The following DPP6 variants were observed in gnomAD, a reference collection of about 807,000 sequenced individuals.
DPP6 encodes A-type potassium channel modulatory protein DPP6.
A neutral mutation model predicts 122.6 loss-of-function variants in DPP6; 69 were observed. The observed-to-expected ratio is 0.56, with a 90% CI of 0.46 to 0.69. The LOEUF (loss-of-function observed/expected upper bound fraction) is 0.69, where lower values mean the gene tolerates loss of function less well. Ranked by LOEUF, DPP6 falls within the 30% of genes least tolerant of loss-of-function variation. The pLI is 0.00. For synonymous variants in DPP6, 418 were observed against 433.1 expected (o/e 0.97, Z 0.43); for missense variants, 928 against 1,116.9 (o/e 0.83, Z 2.41).
chr7:154,083,090 C>T (rs974991126), intron 1 of DPP6, among the ~76,000 whole-genome samples: 22 of 152,026 alleles, frequency 1.4e-4, no homozygotes, highest in Non-Finnish European at 2.9e-4. Flanking sequence ...ACCTCGTGAT[C>T]CGCCCACCTC....
At chr7:153,917,501 T>G (rs1320517364) in intron 1 of DPP6, among the ~76,000 whole-genome samples, 1 of 152,200 alleles carries the variant, frequency 6.6e-6, no homozygotes, top group Non-Finnish European at 1.5e-5. Context: ...CCCTCTTCCC[T>G]GGCCACTGAG....
At chr7:154,438,080 G>A (rs1340009210) in intron 1 of DPP6, among the ~76,000 whole-genome samples, 2 of 152,140 alleles carry the variant, frequency 1.3e-5, no homozygotes, top group African/African-American at 2.4e-5. Context: ...GGGAGCAGGC[G>A]CTGGATGAAG....
chr7:153,851,483 C>G, the DPP6 span, among the ~76,000 whole-genome samples: 2 of 152,096 alleles, frequency 1.3e-5, no homozygotes, highest in African/African-American at 4.8e-5. Flanking sequence ...TATGTCTAAC[C>G]TACTCCATAT....
At chr7:153,796,114 A>G in the DPP6 span, among the ~76,000 whole-genome samples, 69 of 122,574 alleles carry the variant, frequency 5.6e-4, 2 homozygotes, top group Non-Finnish European at 1.1e-3. Flanking sequence ...GTTCTCTGTG[A>G]TAAAAAGTCG....
chr7:154,707,689 C>T (rs1296015340), intron 7 of DPP6, among the ~76,000 whole-genome samples: 1 of 152,086 alleles, frequency 6.6e-6, no homozygotes, highest in Non-Finnish European at 1.5e-5. Context: ...TCTGTTACCA[C>T]GCTGCTAATA....
At chr7:153,782,754 T>C in the DPP6 span, among the ~76,000 whole-genome samples, 1 of 152,184 alleles carries the variant, frequency 6.6e-6, no homozygotes, top group Non-Finnish European at 1.5e-5. Context: ...GTGTGAGTGT[T>C]TTCTCAAGAA....
intron 5 of DPP6, among the ~76,000 whole-genome samples, chr7:154,579,137 T>G (rs1831876699): frequency 6.6e-6 from 1 of 151,956 alleles, no homozygotes; most frequent in Admixed American, 6.6e-5. Flanking sequence ...TCACCTGAGG[T>G]CAGGAGTTCG....
At chr7:154,441,969 A>G (rs1819415277) in intron 1 of DPP6, among the ~76,000 whole-genome samples, 1 of 152,246 alleles carries the variant, frequency 6.6e-6, no homozygotes, top group Admixed American at 6.5e-5. Flanking sequence ...AATAAGTATG[A>G]GCAGCAGTGA....
At chr7:153,846,445 C>A in the DPP6 span, among the ~76,000 whole-genome samples, 1 of 151,946 alleles carries the variant, frequency 6.6e-6, no homozygotes, top group Non-Finnish European at 1.5e-5. Flanking sequence ...TTTTGATGGA[C>A]AAAGGTTTTT....
chr7:153,964,110 C>T (rs1318673446), intron 1 of DPP6, among the ~76,000 whole-genome samples: 1 of 152,184 alleles, frequency 6.6e-6, no homozygotes, highest in Non-Finnish European at 1.5e-5. Flanking sequence ...ATTCTCCTGC[C>T]TCAGCCTCCT....
chr7:154,666,185 A>G (rs28368888), intron 6 of DPP6, among the ~76,000 whole-genome samples: 7,093 of 40,252 alleles, frequency 0.18, 527 homozygotes, highest in African/African-American at 0.33. Flanking sequence ...ATATGTGTGT[A>G]TATATATATA....
chr7:154,711,585 A>G (rs1302981774), intron 7 of DPP6, among the ~76,000 whole-genome samples: 1 of 152,346 alleles, frequency 6.6e-6, no homozygotes, highest in Admixed American at 6.5e-5. Context: ...ACAGTGTTGA[A>G]TAACCTGCTC....
intron 1 of DPP6, among the ~76,000 whole-genome samples, chr7:154,252,055 C>T (rs910540790): frequency 6.6e-6 from 1 of 152,226 alleles, no homozygotes; most frequent in Non-Finnish European, 1.5e-5. Context: ...CCAAGGCTTG[C>T]AATGTACAGT....
chr7:154,367,017 T>A (rs1812247026), intron 1 of DPP6, among the ~76,000 whole-genome samples: 1 of 152,214 alleles, frequency 6.6e-6, no homozygotes, highest in African/African-American at 2.4e-5. Flanking sequence ...ATGATTAGTG[T>A]CGGTGTTCTT....
chr7:153,757,515 A>G, the DPP6 span, among the ~76,000 whole-genome samples: 2 of 152,036 alleles, frequency 1.3e-5, no homozygotes, highest in Non-Finnish European at 2.9e-5. Context: ...AGTAGACTCG[A>G]TCTTAGCATT....
chr7:154,694,995 G>T (rs2131236673), intron 7 of DPP6, among the ~76,000 whole-genome samples: 1 of 152,304 alleles, frequency 6.6e-6, no homozygotes, highest in Non-Finnish European at 1.5e-5. Context: ...TGTGCCCAAA[G>T]ATTTGAGATT....
At chr7:153,935,119 C>A (rs1207134239) in intron 1 of DPP6, among the ~76,000 whole-genome samples, 1 of 152,140 alleles carries the variant, frequency 6.6e-6, no homozygotes, top group Non-Finnish European at 1.5e-5. Context: ...AGCTGAACGG[C>A]AGTGCTGACT....
At position 153,923,779 on chromosome 7, in the gene DPP6, A is replaced by T. The variant is rs568847187; in HGVS notation, c.51+36045A>T. ...CCATCTCAAAAAAAAAAAAAAAAAA[A>T]AAAGAAGATTCCTTCATCTTAGCGG... is the stretch of plus-strand genomic sequence containing the variant. On this transcript the variant is annotated intron_variant, in intron 1 of 25. Transcript: ENST00000404039. Among the ~76,000 whole-genome samples, 77 of 151,210 alleles carry T rather than the reference A, an allele frequency of 5.1e-4. 1 individual carries two copies. Among genetic ancestry groups the T allele is most frequent in the Non-Finnish European group, 8.6e-4 (58 of 67,790 alleles).
At chr7:154,053,313 T>C (rs1180439381) in intron 1 of DPP6, among the ~76,000 whole-genome samples, 1 of 152,008 alleles carries the variant, frequency 6.6e-6, no homozygotes, top group Non-Finnish European at 1.5e-5. Flanking sequence ...GTTTGGGTAC[T>C]GCGCCTGCTG....
Sources: gnomAD v4.1 joint callset for allele counts (sites outside exome capture counted in the v4.1 genomes callset) on GRCh38, gnomAD v4.1.1 for gene constraint, MANE v1.5 for transcripts, NCBI Gene and HGNC (gene_info 2026-07-23, HGNC 2026-07-21) for gene names.